BEND2: variants seen among roughly 807,000 people sequenced by gnomAD.
BEND2 encodes the protein BEN domain containing 2.
Under a neutral mutation model 43.8 loss-of-function variants are expected in BEND2, and 19 were observed. The observed-to-expected ratio is 0.43, with a 90% CI of 0.30 to 0.64. The LOEUF (loss-of-function observed/expected upper bound fraction) is 0.64, where lower values mean the gene tolerates loss of function less well. BEND2 is among the 30% of genes least tolerant of loss of function. The pLI is 0.11. For synonymous variants in BEND2, 226 were observed against 210.1 expected (o/e 1.08, Z -0.66); for missense variants, 544 against 574.0 (o/e 0.95, Z 0.53).
chrX:18,205,113 G>C (rs894740301), intron 4 of BEND2, among the ~76,000 whole-genome samples: 1 of 110,434 alleles, frequency 9.1e-6, no homozygotes, highest in South Asian at 3.8e-4. Flanking sequence ...AAAAATCTGA[G>C]AATTCTTCTT....
chrX:18,199,806 T>G (rs1217216678), intron 6 of BEND2, among the ~76,000 whole-genome samples: 1 of 110,197 alleles, frequency 9.1e-6, no homozygotes, highest in African/African-American at 3.3e-5. Flanking sequence ...AAAGAAAGGC[T>G]GAAGAAAAGT....
chrX:18,191,678 A>C (rs1924775860), intron 7 of BEND2, among the ~76,000 whole-genome samples: 1 of 111,965 alleles, frequency 8.9e-6, no homozygotes, highest in South Asian at 3.8e-4. Flanking sequence ...ACACCATGGA[A>C]TAGCACTCAG....
Position 18,203,598 on chromosome X carries a change from T to C in BEND2, c.810A>G (p.Ala270=). Reference sequence around the variant, plus strand: ...AGTAATTCACCACACCAGGGTTATTTGCCAGACTGGATTCTCTTCGTGACA... The same window carrying C: ...AGTAATTCACCACACCAGGGTTATTCGCCAGACTGGATTCTCTTCGTGACA... The part of the protein sequence containing the change: ...AVLSRRESSL[A]NNPGVVNYSA... Residue 270 remains alanine (A), a synonymous_variant, in exon 5 of 14, where the codon GCA becomes GCG. Coordinates refer to ENST00000380033, the MANE Select transcript of BEND2 (RefSeq NM_153346.5). 2 of 1,211,002 alleles carry C rather than the reference T, an allele frequency of 1.7e-6. No homozygotes were observed. Among genetic ancestry groups the C allele is most frequent in the Non-Finnish European group, 1.1e-6 (1 of 894,706 alleles).
intron 6 of BEND2, among the ~76,000 whole-genome samples, chrX:18,196,196 G>A (rs1168385331): frequency 2.7e-5 from 3 of 109,250 alleles, no homozygotes; most frequent in East Asian, 5.8e-4. Flanking sequence ...CTACTTGGGA[G>A]GCTGAGGCAA....
intron 6 of BEND2, among the ~76,000 whole-genome samples, chrX:18,201,418 C>CAAAAAAAAAAAAAAAAAAAAAAAAAA (rs367821568): frequency 3.8e-5 from 2 of 52,791 alleles, no homozygotes; most frequent in African/African-American, 1.6e-4. Flanking sequence ...AAAAAAAAAA[C>CAAAAAAAAAAAAAAAAAAAAAAAAAA]AAAAAAAAAA....
chrX:18,217,044 AATGAT>A (rs1220638827), intron 1 of BEND2, among the ~76,000 whole-genome samples: 1 of 112,843 alleles, frequency 8.9e-6, no homozygotes, highest in East Asian at 2.8e-4. Flanking sequence ...CACAGTGTTC[AATGAT>A]ATGCTTTTAA....
rs747224992 is a variant in BEND2 at position 18,176,021 on chromosome X, C to T, written c.1703G>A (p.Gly568Asp). ...HGKDWQDCIS[G>D]INSMIYCLCS... ...TAAACAGTAGATCATAGAATTGATA[C>T]CAGAAATACAGTCCTGCCAGTCTTT... The change falls in exon 11 of 14, where the codon GGT becomes GAT. Residue 568 changes from glycine (G) to aspartate (D), a missense_variant. Gly to Asp is a moderately conservative substitution (Grantham distance 94). Coordinates refer to ENST00000380033, the MANE Select transcript of BEND2 (RefSeq NM_153346.5). 1.7e-6 allele frequency: 2 copies of T among 1,198,706 alleles called. No homozygotes were observed. The highest frequency in any genetic ancestry group is 2.3e-6 in the Non-Finnish European group (2 of 887,481).
intron 4 of BEND2, among the ~76,000 whole-genome samples, chrX:18,212,237 G>GGCAT (rs1925531321): frequency 9.2e-6 from 1 of 108,987 alleles, no homozygotes; most frequent in Non-Finnish European, 1.9e-5. Flanking sequence ...TAGGATTGCA[G>GGCAT]GCATGCACCA....
chrX:18,212,095 T>TTTA, intron 4 of BEND2, among the ~76,000 whole-genome samples: 1 of 95,323 alleles, frequency 1.0e-5, no homozygotes, highest in African/African-American at 3.8e-5. Flanking sequence ...TTACTGTCTT[T>TTTA]TTTTTTTTTT....
chrX:18,188,565 A>C (rs1569120374), intron 8 of BEND2, among the ~76,000 whole-genome samples: 1 of 111,487 alleles, frequency 9.0e-6, no homozygotes, highest in Non-Finnish European at 1.9e-5. Flanking sequence ...AACACCTACC[A>C]AGTTTGAACC....
At chrX:18,198,952 A>C (rs1265088246) in intron 6 of BEND2, among the ~76,000 whole-genome samples, 2 of 104,735 alleles carry the variant, frequency 1.9e-5, no homozygotes, top group African/African-American at 3.5e-5. Context: ...TATCACAAGG[A>C]CAAAAAACCA....
chrX:18,180,793 C>CTT (rs752843817), intron 8 of BEND2, 143 bp from the exon 9 acceptor site: 24 of 378,744 alleles, frequency 6.3e-5, no homozygotes, highest in Admixed American at 1.0e-4. Flanking sequence ...TTCTTTCTTT[C>CTT]TTTTTTTTTT....
At chrX:18,196,694 G>GAA (rs59301009) in intron 6 of BEND2, among the ~76,000 whole-genome samples, 9 of 71,175 alleles carry the variant, frequency 1.3e-4, no homozygotes, top group African/African-American at 2.0e-4. Context: ...CATACTGACT[G>GAA]AAAAAAAAAA....
intron 4 of BEND2, among the ~76,000 whole-genome samples, chrX:18,206,702 G>T (rs1925345777): frequency 9.0e-6 from 1 of 111,005 alleles, no homozygotes; most frequent in Non-Finnish European, 1.9e-5. Flanking sequence ...GGGGCAGTTG[G>T]TTGGCTGTGG....
In BEND2 at chrX:18,174,064, G is replaced by A. The variant is rs1924059144; in HGVS notation, c.1947C>T (p.Ser649=). ...CACCAGGTTCCTCTGGATTATCAGT[G>A]GAAGGTTCTCGCATTCCTTCAGGGA... The part of the protein sequence containing the change: ...NAIPEGMREP[S]TDNPEEPGEA... The change falls in exon 12 of 14, where the codon TCC becomes TCT. Residue 649 remains serine, a synonymous_variant. Coordinates refer to ENST00000380033, the MANE Select transcript of BEND2 (RefSeq NM_153346.5). The A allele has an allele frequency of 8.3e-7, 1 of 1,210,547 alleles. No individual in the cohort carries two copies. Among genetic ancestry groups the A allele is most frequent in the Non-Finnish European group, 1.1e-6 (1 of 894,828 alleles).
chrX:18,167,977 T>A (rs1300528536), intron 13 of BEND2, among the ~76,000 whole-genome samples: 1 of 112,587 alleles, frequency 8.9e-6, no homozygotes, highest in African/African-American at 3.2e-5. Context: ...AGTCATTGAA[T>A]CAAATCATGA....
intron 12 of BEND2, 43 bp downstream of exon 12, chrX:18,173,987 A>C (rs1924056388): frequency 8.3e-6 from 9 of 1,083,452 alleles, no homozygotes; most frequent in South Asian, 2.0e-5. Context: ...AACATTTATC[A>C]GCAAGAGAAC....
chrX:18,220,636 C>T, intron 1 of BEND2, 90 bp downstream of exon 1: 1 of 1,147,246 alleles, frequency 8.7e-7, no homozygotes, highest in Non-Finnish European at 1.2e-6. Context: ...TCCTGCCGCC[C>T]CTGAATGGCC....
In BEND2 at chrX:18,189,965, G is replaced by A. The variant is rs776365911; in HGVS notation, c.1288+1036C>T. ...CTCGGGAGGCTGAGGCAGGAGAATCGCTTGAACCCAGGAGACAGAGGTTGC... is the reference window on the plus strand; with the variant it reads ...CTCGGGAGGCTGAGGCAGGAGAATCACTTGAACCCAGGAGACAGAGGTTGC... On this transcript the variant is annotated intron_variant, in intron 8 of 13. Transcript: ENST00000380033. Among the ~76,000 whole-genome samples, 138 of 109,114 alleles carry A rather than the reference G, an allele frequency of 1.3e-3. 1 individual carries two copies. Among genetic ancestry groups the A allele is most frequent in the African/African-American group, 3.5e-3 (105 of 29,968 alleles). 94.8% of individuals were successfully genotyped at this position (109,114 alleles called of 115,157 possible).
Sources: gnomAD v4.1 joint callset for allele counts (sites outside exome capture counted in the v4.1 genomes callset) on GRCh38, gnomAD v4.1.1 for gene constraint, MANE v1.5 for transcripts, NCBI Gene and HGNC (gene_info 2026-07-23, HGNC 2026-07-21) for gene names.